Variants in RCSD1 observed in about 807,000 individuals in gnomAD.
The protein encoded by RCSD1 is RCSD domain containing 1, also known as capZ-interacting protein.
A neutral mutation model predicts 42.5 loss-of-function variants in RCSD1; 26 were observed. That is an observed-to-expected ratio of 0.61 (90% confidence interval 0.45 to 0.85). The LOEUF (loss-of-function observed/expected upper bound fraction) is 0.85, where lower values mean the gene tolerates loss of function less well. RCSD1 is among the 40% of genes least tolerant of loss of function. The pLI, the probability that RCSD1 is intolerant of heterozygous loss-of-function variation, is 0.00. For synonymous variants in RCSD1, 220 were observed against 212.2 expected (o/e 1.04, Z -0.32); for missense variants, 571 against 528.3 (o/e 1.08, Z -0.79).
chr1:167,642,572 T>C (rs1558072555), intron 1 of RCSD1, among the ~76,000 whole-genome samples: 1 of 152,216 alleles, frequency 6.6e-6, no homozygotes, highest in African/African-American at 2.4e-5. Flanking sequence ...GGCATCTGTT[T>C]AGACTGTTTC....
intron 1 of RCSD1, among the ~76,000 whole-genome samples, chr1:167,680,861 G>C (rs914564218): frequency 6.6e-6 from 1 of 152,190 alleles, no homozygotes; most frequent in Non-Finnish European, 1.5e-5. Flanking sequence ...AGAGGCTAAG[G>C]GTGTCTCAGG....
chr1:167,667,925 C>T (rs1257478725), intron 1 of RCSD1, among the ~76,000 whole-genome samples: 1 of 152,050 alleles, frequency 6.6e-6, no homozygotes, highest in East Asian at 1.9e-4. Flanking sequence ...GGGATGGAGC[C>T]ATGAATAACA....
Position 167,630,274 on chromosome 1 carries a change from A to AGCGCAGCCGG in RCSD1, c.-145_-136dup, listed in dbSNP as rs1268709130. 118 of 621,952 alleles carry AGCGCAGCCGG rather than the reference A, an allele frequency of 1.9e-4. No homozygotes were observed. Among genetic ancestry groups the AGCGCAGCCGG allele is most frequent in the Non-Finnish European group, 2.3e-4 (113 of 484,676 alleles). 38.5% of individuals were successfully genotyped at this position (621,952 alleles called of 1,614,324 possible). A position where few individuals can be genotyped will look rare whatever the true frequency, so the allele number is the denominator to read the frequency against. ...CGCGGCCGGGGCAGTCCCGCAGCCG[A>AGCGCAGCCGG]GCGCAGCCGGGCGCGCGCCACCGCC... On this transcript the variant is annotated 5_prime_UTR_variant, in exon 1 of 7. Transcript: ENST00000367854.
In RCSD1 at chr1:167,697,503, A is replaced by C. The variant is rs758062322; in HGVS notation, c.879A>C (p.Glu293Asp). The change falls in exon 6 of 7, where the codon GAA becomes GAC. Residue 293 changes from glutamate (E) to aspartate (D), a missense_variant. Physicochemically the swap from Glu to Asp is conservative, Grantham distance 45 (BLOSUM62 2). Coordinates refer to ENST00000367854, the MANE Select transcript of RCSD1 (RefSeq NM_052862.4). ...ESPQTSGPEAENRCGSPREEK... is the reference protein window; with the variant it reads ...ESPQTSGPEADNRCGSPREEK... ...CCCAGACCTCTGGCCCAGAGGCAGA[A>C]AATAGGTGTGGGAGCCCCAGGGAGG... is the stretch of plus-strand genomic sequence containing the variant. The C allele has an allele frequency of 3.6e-5, 58 of 1,607,508 alleles. No homozygotes were observed. The highest frequency in any genetic ancestry group is 4.8e-5 in the Non-Finnish European group (56 of 1,177,150).
intron 1 of RCSD1, among the ~76,000 whole-genome samples, chr1:167,645,423 G>A (rs1410960239): frequency 2.0e-5 from 3 of 152,202 alleles, no homozygotes; most frequent in African/African-American, 7.2e-5. Flanking sequence ...TGGTGGTGGT[G>A]CCAAGAGATA....
chr1:167,651,837 C>A lies in RCSD1; in HGVS notation c.6+21408C>A, dbSNP rs191738920. Among the ~76,000 whole-genome samples the A allele has an allele frequency of 7.4e-4, 113 of 152,162 alleles. 2 individuals are homozygous for A. Among genetic ancestry groups the A allele is most frequent in the African/African-American group, 2.6e-3 (107 of 41,486 alleles). ...ATGAGCCTCTGATAGGCCTTCTCCC[C>A]GCTGTTCTTGAGGGGGGCTGCGTTC... On this transcript the variant is annotated intron_variant, in intron 1 of 6. Transcript: ENST00000367854.
intron 1 of RCSD1, among the ~76,000 whole-genome samples, chr1:167,639,696 G>C (rs1240346539): frequency 6.6e-6 from 1 of 152,278 alleles, no homozygotes; most frequent in East Asian, 1.9e-4. Context: ...GTTTCACCAT[G>C]TTGGCCAGGC....
intron 6 of RCSD1, among the ~76,000 whole-genome samples, chr1:167,700,096 T>TA (rs1264814709): frequency 3.3e-5 from 5 of 152,222 alleles, no homozygotes; most frequent in Non-Finnish European, 5.9e-5. Context: ...GTAGGTTCTT[T>TA]AAAAAAATCT....
intron 1 of RCSD1, among the ~76,000 whole-genome samples, chr1:167,633,331 A>T (rs1338312600): frequency 6.6e-6 from 1 of 152,198 alleles, no homozygotes; most frequent in Non-Finnish European, 1.5e-5. Flanking sequence ...TGAGTTCTGC[A>T]GGAGTTCAGA....
rs1402994266 is a variant in RCSD1, at chr1:167,697,678, C to A, written c.1054C>A (p.Pro352Thr). 2 of 1,604,896 alleles carry A rather than the reference C, an allele frequency of 1.2e-6. No homozygotes were observed. The highest frequency in any genetic ancestry group is 1.7e-5 in the Admixed American group (1 of 58,398). The change falls in exon 6 of 7, where the codon CCC becomes ACC. Residue 352 changes from proline (P) to threonine (T), a missense_variant. Pro to Thr is a conservative substitution (Grantham distance 38, BLOSUM62 -1). Transcript: ENST00000367854. ...TGCAGTGAAGGAGACCCCCCACAGTCCCCCTGGAGGAGTGAAGGGCGGAGA... is the reference window on the plus strand; with the variant it reads ...TGCAGTGAAGGAGACCCCCCACAGTACCCCTGGAGGAGTGAAGGGCGGAGA... ...GAAVKETPHS[P>T]PGGVKGGDVP...
intron 1 of RCSD1, among the ~76,000 whole-genome samples, chr1:167,668,060 G>A (rs1306813072): frequency 6.6e-6 from 1 of 152,106 alleles, no homozygotes; most frequent in Non-Finnish European, 1.5e-5. Flanking sequence ...GGAGGCCAAG[G>A]CGGATGGATC....
At chr1:167,647,576 T>C (rs111993213) in intron 1 of RCSD1, among the ~76,000 whole-genome samples, 2 of 151,862 alleles carry the variant, frequency 1.3e-5, no homozygotes, top group Admixed American at 1.3e-4. Context: ...ACTAAATTAA[T>C]TAAATAAATA....
intron 1 of RCSD1, among the ~76,000 whole-genome samples, chr1:167,639,741 G>T (rs1268713865): frequency 1.3e-5 from 2 of 152,188 alleles, no homozygotes; most frequent in Non-Finnish European, 2.9e-5. Flanking sequence ...TGATCCACCT[G>T]CCTTGGCCTC....
intron 6 of RCSD1, among the ~76,000 whole-genome samples, chr1:167,701,378 T>C (rs1659642480): frequency 6.6e-6 from 1 of 151,578 alleles, no homozygotes; most frequent in Non-Finnish European, 1.5e-5. Context: ...CAATCTCAGC[T>C]CACTGCAAAC....
At chr1:167,647,771 C>T (rs1658198345) in intron 1 of RCSD1, among the ~76,000 whole-genome samples, 2 of 151,994 alleles carry the variant, frequency 1.3e-5, no homozygotes, top group Non-Finnish European at 2.9e-5. Flanking sequence ...AAGACCACAA[C>T]CAATAAAAAT....
At chr1:167,683,826 C>G in intron 1 of RCSD1, 74 bp from the exon 2 acceptor site, 1 of 1,362,694 alleles carries the variant, frequency 7.3e-7, no homozygotes. Context: ...CTGCTTGCAG[C>G]CACAAAACAG....
At chr1:167,673,824 C>T (rs773163034) in intron 1 of RCSD1, among the ~76,000 whole-genome samples, 50 of 152,190 alleles carry the variant, frequency 3.3e-4, no homozygotes, top group Non-Finnish European at 6.0e-4. Context: ...ACATGCCTTC[C>T]TCCTTCTCCC....
intron 5 of RCSD1, among the ~76,000 whole-genome samples, chr1:167,695,048 C>G (rs757331117): frequency 2.0e-5 from 3 of 151,944 alleles, no homozygotes; most frequent in Non-Finnish European, 4.4e-5. Flanking sequence ...ATGAGATCTT[C>G]TAGGCCATTC....
intron 6 of RCSD1, among the ~76,000 whole-genome samples, chr1:167,701,257 T>TTTCC: frequency 1.2e-5 from 1 of 82,222 alleles, no homozygotes; most frequent in Non-Finnish European, 2.4e-5. Flanking sequence ...GCCTAGTTTC[T>TTTCC]TTCTTTCTTT....
Sources: allele counts gnomAD v4.1 joint callset (sites outside exome capture counted in the v4.1 genomes callset), GRCh38; gene constraint gnomAD v4.1.1; transcripts MANE v1.5; gene names NCBI Gene and HGNC (gene_info 2026-07-23, HGNC 2026-07-21).